Variants in PIBF1 observed in about 807,000 individuals in gnomAD.
PIBF1 encodes the protein progesterone-induced-blocking factor 1.
A neutral mutation model predicts 112.5 loss-of-function variants in PIBF1; 90 were observed. The ratio of observed to expected loss-of-function variants is 0.80; its 90% CI spans 0.67 to 0.95. The LOEUF (loss-of-function observed/expected upper bound fraction) is 0.95. Among genes scored for constraint, PIBF1 ranks in the 40% least tolerant of loss-of-function variants. The probability of loss-of-function intolerance (pLI) is 0.00; values close to 1 mark genes in which losing one functional copy is unlikely to be tolerated. For missense variants in PIBF1, 915 were observed against 852.3 expected (o/e 1.07, Z -0.92); for synonymous variants, 301 against 288.6 (o/e 1.04, Z -0.44).
intron 16 of PIBF1, among the ~76,000 whole-genome samples, chr13:72,990,738 C>A (rs1325533132): frequency 6.6e-6 from 1 of 151,486 alleles, no homozygotes; most frequent in Non-Finnish European, 1.5e-5. Flanking sequence ...ATCCCAGCTA[C>A]TCAGGAGACT....
chr13:72,896,297 T>C (rs1370398022), intron 11 of PIBF1, among the ~76,000 whole-genome samples: 1 of 152,118 alleles, frequency 6.6e-6, no homozygotes, highest in Non-Finnish European at 1.5e-5. Flanking sequence ...CAAAAGAACC[T>C]GAACAACAGC....
At chr13:72,885,829 G>A (rs1433189092) in intron 10 of PIBF1, among the ~76,000 whole-genome samples, 3 of 151,974 alleles carry the variant, frequency 2.0e-5, no homozygotes, top group African/African-American at 4.8e-5. Flanking sequence ...GGAGTCATCC[G>A]CATCCTTAGA....
intron 6 of PIBF1, 142 bp downstream of exon 6, chr13:72,822,124 G>T: frequency 4.6e-6 from 3 of 654,890 alleles, no homozygotes; most frequent in Non-Finnish European, 7.3e-6. Flanking sequence ...TTGGCAGTTT[G>T]TTGGGTTTAT....
chr13:72,884,012 C>T (rs1040311531), intron 10 of PIBF1, among the ~76,000 whole-genome samples: 1 of 152,016 alleles, frequency 6.6e-6, no homozygotes, highest in Non-Finnish European at 1.5e-5. Flanking sequence ...AAAGATAAAT[C>T]CTTGAAGTAA....
intron 14 of PIBF1, among the ~76,000 whole-genome samples, chr13:72,959,155 C>T (rs762631414): frequency 6.6e-5 from 10 of 151,730 alleles, no homozygotes; most frequent in Admixed American, 2.0e-4. Flanking sequence ...GCCACCACAC[C>T]AGGCTAATTT....
At chr13:72,918,436 G>T in intron 13 of PIBF1, among the ~76,000 whole-genome samples, 1 of 143,684 alleles carries the variant, frequency 7.0e-6, no homozygotes, top group Admixed American at 7.3e-5. Context: ...ACCCAGGCCT[G>T]GAGTGCAATG....
chr13:72,794,007 G>A (rs1052992350), intron 3 of PIBF1, among the ~76,000 whole-genome samples: 1 of 152,158 alleles, frequency 6.6e-6, no homozygotes, highest in African/African-American at 2.4e-5. Flanking sequence ...TCCCCAAGGA[G>A]TGCGTACAGA....
chr13:72,991,849 G>C (rs2043492898), intron 16 of PIBF1, among the ~76,000 whole-genome samples: 1 of 152,036 alleles, frequency 6.6e-6, no homozygotes, highest in South Asian at 2.1e-4. Context: ...CTCCCGAGTA[G>C]TTGGGACTAC....
intron 10 of PIBF1, among the ~76,000 whole-genome samples, chr13:72,886,207 C>T (rs2039845878): frequency 6.6e-6 from 1 of 151,960 alleles, no homozygotes; most frequent in Admixed American, 6.6e-5. Flanking sequence ...TTTCTAATGA[C>T]TTTTTAAGAT....
At chr13:72,845,309 A>T (rs2037820073) in intron 9 of PIBF1, among the ~76,000 whole-genome samples, 1 of 152,200 alleles carries the variant, frequency 6.6e-6, no homozygotes, top group Non-Finnish European at 1.5e-5. Context: ...CCTGCAAAGG[A>T]CATGATCTCA....
intron 13 of PIBF1, among the ~76,000 whole-genome samples, chr13:72,930,178 A>G (rs2041657080): frequency 6.6e-6 from 1 of 152,016 alleles, no homozygotes. Flanking sequence ...ATTTTTTAGA[A>G]TGTTGTCTGC....
At chr13:72,958,904 A>G (rs2042531079) in intron 14 of PIBF1, among the ~76,000 whole-genome samples, 1 of 152,164 alleles carries the variant, frequency 6.6e-6, no homozygotes, top group Admixed American at 6.5e-5. Context: ...GCTGATTATC[A>G]GAATCTGAGA....
At chr13:72,865,837 A>G (rs996581588) in intron 10 of PIBF1, among the ~76,000 whole-genome samples, 1 of 152,180 alleles carries the variant, frequency 6.6e-6, no homozygotes, top group Admixed American at 6.5e-5. Flanking sequence ...CAGTAGGTAT[A>G]TTTTTGTTCT....
rs567480966 is a variant in PIBF1, at chr13:72,964,529, T to C, written c.1834-745T>C. Among the ~76,000 whole-genome samples, 108 of 152,318 alleles carry C rather than the reference T, an allele frequency of 7.1e-4. 1 individual carries two copies. The highest frequency in any genetic ancestry group is 2.6e-3 in the African/African-American group (108 of 41,580). On this transcript the variant is annotated intron_variant, in intron 14 of 17. Coordinates refer to ENST00000326291, the MANE Select transcript of PIBF1 (RefSeq NM_006346.4). ...ACATTTGTCAAAAATTTATACATAATGATTTGGATATATAAATTATGTATT... is the reference window on the plus strand; with the variant it reads ...ACATTTGTCAAAAATTTATACATAACGATTTGGATATATAAATTATGTATT...
intron 5 of PIBF1, among the ~76,000 whole-genome samples, 176 bp downstream of exon 5, chr13:72,798,202 TGACAA>T (rs1270392995): frequency 1.3e-5 from 2 of 152,200 alleles, no homozygotes; most frequent in African/African-American, 2.4e-5. Context: ...TCTTAAACAT[TGACAA>T]GACAAGTCTG....
At chr13:72,885,644 G>A (rs2039820728) in intron 10 of PIBF1, among the ~76,000 whole-genome samples, 2 of 152,072 alleles carry the variant, frequency 1.3e-5, no homozygotes, top group African/African-American at 4.8e-5. Flanking sequence ...GTGTTGTTGT[G>A]AGCATTTTAC....
intron 17 of PIBF1, among the ~76,000 whole-genome samples, chr13:73,006,066 C>T (rs371260417): frequency 2.2e-5 from 3 of 135,318 alleles, no homozygotes; most frequent in Admixed American, 8.3e-5. Flanking sequence ...ATTACAGGGA[C>T]GCACCACCAT....
At position 72,908,547 on chromosome 13, in the gene PIBF1, T is replaced by C; in HGVS notation, c.1505T>C (p.Phe502Ser). The C allele has an allele frequency of 6.2e-7, 1 of 1,604,674 alleles. No homozygotes were observed. Among genetic ancestry groups the C allele is most frequent in the Non-Finnish European group, 8.5e-7 (1 of 1,176,490 alleles). Residue 502 changes from phenylalanine to serine, a missense_variant, in exon 12 of 18, where the codon TTT becomes TCT. Phe to Ser is a radical substitution (Grantham distance 155, BLOSUM62 -2). Transcript: ENST00000326291. ...QKKLEVLTKE[F>S]YSLQASSEKR... ...CACTATTAGGTTTTAACCAAAGAAT[T>C]TTATAGTCTCCAAGCCTCTTCTGAA...
chr13:72,903,273 C>T (rs541877793), intron 11 of PIBF1, among the ~76,000 whole-genome samples: 4 of 152,112 alleles, frequency 2.6e-5, no homozygotes, highest in East Asian at 1.9e-4. Context: ...ATTCTCCCCC[C>T]CTAGACTAAG....
Sources: allele counts gnomAD v4.1 joint callset (sites outside exome capture counted in the v4.1 genomes callset), GRCh38; gene constraint gnomAD v4.1.1; transcripts MANE v1.5; gene names NCBI Gene and HGNC (gene_info 2026-07-23, HGNC 2026-07-21).